The following MRLN variants were observed in gnomAD, a reference collection of about 807,000 sequenced individuals.
MRLN encodes myoregulin, also known as Linc-RNA activator of myogenesis.
intron 1 of MRLN, chr10:59,739,825 G>A (rs1840962578): frequency 6.6e-6 from 1 of 152,322 alleles, no homozygotes; most frequent in African/African-American, 2.4e-5. Flanking sequence ...CGGGCACAGT[G>A]GCTCACGCCT....
At chr10:59,748,235 T>A (rs1453372541) in intron 1 of MRLN, among the ~76,000 whole-genome samples, 1 of 152,176 alleles carries the variant, frequency 6.6e-6, no homozygotes, top group African/African-American at 2.4e-5. Context: ...AGGTTTGCCC[T>A]CACTAAACTC....
At chr10:59,742,426 G>GGT (rs1474214157) in intron 1 of MRLN, among the ~76,000 whole-genome samples, 2 of 152,044 alleles carry the variant, frequency 1.3e-5, no homozygotes, top group Non-Finnish European at 2.9e-5. Flanking sequence ...ATGGTTTAGG[G>GGT]GTATATATAT....
intron 1 of MRLN, among the ~76,000 whole-genome samples, chr10:59,741,198 A>G (rs1458359995): frequency 3.9e-5 from 6 of 152,174 alleles, no homozygotes; most frequent in Admixed American, 2.6e-4. Flanking sequence ...AGTCTAGAGT[A>G]GTGTACAGGA....
Position 59,749,123 on chromosome 10 carries a change from A to G in MRLN, c.-125+4231T>C, listed in dbSNP as rs189361957. Among the ~76,000 whole-genome samples the G allele has an allele frequency of 2.6e-5, 4 of 152,372 alleles. No homozygotes were observed. In the East Asian group the frequency reaches 7.7e-4, roughly 29 times the overall value. On this transcript the variant is annotated intron_variant, in intron 1 of 2. Transcript: ENST00000414264. Reference sequence around the variant, plus strand: ...AGATGCCACCTCATCTGGAGAACAGAGAGAGTAATATCTGTCTTGTGGGGG... The same window carrying G: ...AGATGCCACCTCATCTGGAGAACAGGGAGAGTAATATCTGTCTTGTGGGGG...
At chr10:59,741,162 G>A (rs1840979635) in intron 1 of MRLN, among the ~76,000 whole-genome samples, 2 of 152,056 alleles carry the variant, frequency 1.3e-5, no homozygotes, top group Non-Finnish European at 2.9e-5. Context: ...TAAATTTAGT[G>A]TAGCCTAAGT....
Position 59,740,795 on chromosome 10 carries a change from T to TCTTTCTTC in MRLN, c.-124-2234_-124-2233insGAAGAAAG, listed in dbSNP as rs1377695105. ...TCTTTGTTTTCTTTCTTTCTTTCTT[T>TCTTTCTTC]CTTTCTTTCTTTTTTTTTTGAGACA... On this transcript the variant is annotated intron_variant, in intron 1 of 2. Transcript: ENST00000414264. Among the ~76,000 whole-genome samples, 186 of 151,432 alleles carry TCTTTCTTC rather than the reference T, an allele frequency of 1.2e-3. 2 individuals carry two copies. Among genetic ancestry groups the TCTTTCTTC allele is most frequent in the African/African-American group, 4.3e-3 (178 of 41,226 alleles).
At chr10:59,742,575 TG>T (rs1431866233) in intron 1 of MRLN, among the ~76,000 whole-genome samples, 1 of 152,228 alleles carries the variant, frequency 6.6e-6, no homozygotes, top group Non-Finnish European at 1.5e-5. Flanking sequence ...TCTCTTGTCC[TG>T]GGTGGTGGTT....
intron 2 of MRLN, chr10:59,737,990 T>C (rs935668371): frequency 1.3e-5 from 2 of 152,098 alleles, no homozygotes; most frequent in African/African-American, 4.8e-5. Context: ...TAGTAAAATA[T>C]TTCATCTACT....
intron 1 of MRLN, among the ~76,000 whole-genome samples, chr10:59,740,704 A>G (rs1840973606): frequency 6.6e-6 from 1 of 152,164 alleles, no homozygotes; most frequent in Admixed American, 6.5e-5. Context: ...GAGTCAAAAC[A>G]TTAAGAAAAT....
chr10:59,737,230 A>C lies in MRLN; in HGVS notation c.-20-10T>G, dbSNP rs1840934367. On this transcript the variant is annotated splice_polypyrimidine_tract_variant and intron_variant, in intron 2 of 2. Coordinates refer to ENST00000414264, the MANE Select transcript of MRLN (RefSeq NM_001304731.2). ...AGAATTATCCCGCTCCCTAGGAAAA[A>C]AGAGAAAAGTATCCTCAAATGAACA... 2.5e-6 allele frequency: 1 copy of C among 395,184 alleles called. No homozygotes were observed. Among genetic ancestry groups the C allele is most frequent in the Non-Finnish European group, 4.5e-6 (1 of 223,456 alleles). The allele number at this position is 395,184 out of a possible 1,614,324, so 24.5% of individuals were successfully genotyped here. A position where few individuals can be genotyped will look rare whatever the true frequency, so the allele number is the denominator to read the frequency against.
At chr10:59,746,358 C>T (rs967863795) in intron 1 of MRLN, among the ~76,000 whole-genome samples, 19 of 152,084 alleles carry the variant, frequency 1.2e-4, no homozygotes, top group African/African-American at 4.1e-4. Flanking sequence ...CTATTATGTG[C>T]CAGGCGCTGC....
intron 1 of MRLN, among the ~76,000 whole-genome samples, chr10:59,753,129 T>C (rs2070182624): frequency 6.6e-6 from 1 of 152,168 alleles, no homozygotes; most frequent in Non-Finnish European, 1.5e-5. Flanking sequence ...GGAGTAGAAA[T>C]CTAATTCATT....
At chr10:59,749,118 A>G (rs1841072086) in intron 1 of MRLN, among the ~76,000 whole-genome samples, 1 of 152,172 alleles carries the variant, frequency 6.6e-6, no homozygotes, top group Non-Finnish European at 1.5e-5. Context: ...TCATCTGGAG[A>G]ACAGAGAGAG....
intron 1 of MRLN, among the ~76,000 whole-genome samples, chr10:59,746,629 G>T (rs1390172452): frequency 6.6e-6 from 1 of 152,136 alleles, no homozygotes; most frequent in Non-Finnish European, 1.5e-5. Context: ...GTTGTGGATG[G>T]GATGGAAGGG....
In MRLN at chr10:59,741,801, C is replaced by A. The variant is rs78748156; in HGVS notation, c.-124-3239G>T. ...CTCATTCAATCCTCCCTCCTCAGCTCCTGAGTAGCTACGGCTACAGGTGTG... is the reference window on the plus strand; with the variant it reads ...CTCATTCAATCCTCCCTCCTCAGCTACTGAGTAGCTACGGCTACAGGTGTG... On this transcript the variant is annotated intron_variant, in intron 1 of 2. Coordinates refer to ENST00000414264, the MANE Select transcript of MRLN (RefSeq NM_001304731.2). Among the ~76,000 whole-genome samples the A allele has an allele frequency of 9.1e-3, 1,391 of 152,256 alleles. 5 individuals are homozygous for A. Among genetic ancestry groups the A allele is most frequent in the Non-Finnish European group, 0.015 (1,048 of 68,028 alleles).
chr10:59,744,440 G>A (rs1382578079), intron 1 of MRLN, among the ~76,000 whole-genome samples: 3 of 151,224 alleles, frequency 2.0e-5, no homozygotes, highest in African/African-American at 4.9e-5. Flanking sequence ...TGCCCCTTCC[G>A]GGAGGCGGGG....
At chr10:59,747,479 G>A (rs1404303250) in intron 1 of MRLN, among the ~76,000 whole-genome samples, 1 of 152,218 alleles carries the variant, frequency 6.6e-6, no homozygotes, top group Non-Finnish European at 1.5e-5. Flanking sequence ...AAGTGATAGT[G>A]TCTATTATTA....
chr10:59,737,610 G>T (rs1840937996), intron 2 of MRLN, among the ~76,000 whole-genome samples: 1 of 142,104 alleles, frequency 7.0e-6, no homozygotes, highest in African/African-American at 2.6e-5. Flanking sequence ...TTACCAGGAA[G>T]TGAGAATTTG....
chr10:59,739,703 G>A (rs961445891), intron 1 of MRLN: 2 of 152,300 alleles, frequency 1.3e-5, no homozygotes, highest in African/African-American at 2.4e-5. Flanking sequence ...CAAAAGACAA[G>A]GCTATAAAAT....
Sources: allele counts gnomAD v4.1 joint callset (sites outside exome capture counted in the v4.1 genomes callset), GRCh38; gene constraint gnomAD v4.1.1; transcripts MANE v1.5; gene names NCBI Gene and HGNC (gene_info 2026-07-23, HGNC 2026-07-21).